Variants in TESK2 observed in about 807,000 individuals in gnomAD.
The protein encoded by TESK2 is dual specificity testis-specific protein kinase 2.
A neutral mutation model predicts 57.1 loss-of-function variants in TESK2; 39 were observed. That is an observed-to-expected ratio of 0.68 (90% CI 0.53 to 0.89). The LOEUF (loss-of-function observed/expected upper bound fraction) is 0.89. Ranked by LOEUF, TESK2 falls within the 40% of genes least tolerant of loss-of-function variation. The pLI is 0.00. For synonymous variants in TESK2, 249 were observed against 267.9 expected (o/e 0.93, Z 0.69); for missense variants, 646 against 732.1 (o/e 0.88, Z 1.36).
At chr1:45,351,989 T>C (rs991702822) in intron 5 of TESK2, among the ~76,000 whole-genome samples, 1 of 152,208 alleles carries the variant, frequency 6.6e-6, no homozygotes, top group East Asian at 1.9e-4. Context: ...AGCCTGATAC[T>C]GTCCTTAAAG....
intron 2 of TESK2, among the ~76,000 whole-genome samples, chr1:45,439,215 T>G (rs1044449997): frequency 1.3e-5 from 2 of 152,196 alleles, no homozygotes; most frequent in African/African-American, 4.8e-5. Flanking sequence ...AATTTACAGT[T>G]TGCATGACAA....
chr1:45,476,646 G>A (rs573829199), intron 1 of TESK2, among the ~76,000 whole-genome samples: 1 of 151,466 alleles, frequency 6.6e-6, no homozygotes, highest in Non-Finnish European at 1.5e-5. Flanking sequence ...AGGAGATCAA[G>A]GCCATCCTGG....
intron 1 of TESK2, among the ~76,000 whole-genome samples, chr1:45,481,005 T>C (rs1240668782): frequency 4.0e-5 from 6 of 148,344 alleles, no homozygotes; most frequent in African/African-American, 1.2e-4. Flanking sequence ...TAATAATATA[T>C]ATAACCAAAA....
chr1:45,453,412 A>G (rs1015923633), intron 2 of TESK2, among the ~76,000 whole-genome samples: 1 of 151,960 alleles, frequency 6.6e-6, no homozygotes, highest in Non-Finnish European at 1.5e-5. Flanking sequence ...TGACTGTGAC[A>G]TGAAGGGTGC....
At chr1:45,361,506 C>G (rs1647684126) in intron 4 of TESK2, among the ~76,000 whole-genome samples, 1 of 152,102 alleles carries the variant, frequency 6.6e-6, no homozygotes, top group Non-Finnish European at 1.5e-5. Context: ...CCAACTTTAC[C>G]TATACCAAAA....
intron 3 of TESK2, among the ~76,000 whole-genome samples, chr1:45,390,872 T>C (rs958643430): frequency 1.3e-4 from 20 of 151,098 alleles, no homozygotes; most frequent in Non-Finnish European, 3.0e-4. Context: ...CTTCCTAAAG[T>C]GCTGAGCTTA....
chr1:45,480,003 A>G (rs1653152103), intron 1 of TESK2, among the ~76,000 whole-genome samples: 1 of 151,086 alleles, frequency 6.6e-6, no homozygotes, highest in Non-Finnish European at 1.5e-5. Flanking sequence ...TTGTATTTTT[A>G]GTAGAGACGT....
At chr1:45,429,620 C>T (rs181513143) in intron 2 of TESK2, among the ~76,000 whole-genome samples, 6 of 152,166 alleles carry the variant, frequency 3.9e-5, no homozygotes, top group Non-Finnish European at 8.8e-5. Context: ...CTGCACTAGG[C>T]TTTAACAGAC....
chr1:45,353,234 G>C (rs1647284257), intron 5 of TESK2, among the ~76,000 whole-genome samples: 1 of 152,178 alleles, frequency 6.6e-6, no homozygotes, highest in African/African-American at 2.4e-5. Context: ...AAAACATTCT[G>C]GGGGAGAAGA....
intron 2 of TESK2, among the ~76,000 whole-genome samples, chr1:45,446,847 A>G (rs1651668066): frequency 6.6e-6 from 1 of 152,232 alleles, no homozygotes; most frequent in Non-Finnish European, 1.5e-5. Flanking sequence ...TTATCAGTAA[A>G]CAACAGCTAG....
rs1177484465 is a variant in TESK2, at chr1:45,415,290, T to C, written c.344+6435A>G. Reference sequence around the variant, plus strand: ...TGGAGGCCATGGGGCACTTTGGGTCTGGGAATGGCAAGACCAGCAAGGAGA... The same window carrying C: ...TGGAGGCCATGGGGCACTTTGGGTCCGGGAATGGCAAGACCAGCAAGGAGA... On this transcript the variant is annotated intron_variant, in intron 3 of 10. Coordinates refer to ENST00000372086, the MANE Select transcript of TESK2 (RefSeq NM_007170.3). 3.1e-6 allele frequency: 4 copies of C among 1,302,370 alleles called. No homozygotes were observed. The African/African-American group carries it at 4.4e-5, about 14-fold the overall frequency. The allele number at this position is 1,302,370 out of a possible 1,614,324, so 80.7% of individuals were successfully genotyped here.
intron 4 of TESK2, among the ~76,000 whole-genome samples, chr1:45,379,072 A>G (rs1648545694): frequency 6.6e-6 from 1 of 152,214 alleles, no homozygotes; most frequent in African/African-American, 2.4e-5. Context: ...AATATTCTGT[A>G]CTGAAACACA....
At chr1:45,482,614 A>T (rs1653274486) in intron 1 of TESK2, among the ~76,000 whole-genome samples, 2 of 151,988 alleles carry the variant, frequency 1.3e-5, no homozygotes, top group African/African-American at 2.4e-5. Context: ...AAAAAAAAAA[A>T]AAAAGTAAAT....
At chr1:45,483,372 G>A (rs909070087) in intron 1 of TESK2, among the ~76,000 whole-genome samples, 4 of 152,058 alleles carry the variant, frequency 2.6e-5, no homozygotes, top group African/African-American at 9.7e-5. Context: ...GAGGCAGGCG[G>A]ATGGCCTGAG....
intron 1 of TESK2, among the ~76,000 whole-genome samples, chr1:45,469,221 T>A (rs1652670788): frequency 6.6e-6 from 1 of 152,204 alleles, no homozygotes; most frequent in Non-Finnish European, 1.5e-5. Context: ...TATTTTTTAA[T>A]CTTTCCAAAG....
intron 2 of TESK2, among the ~76,000 whole-genome samples, chr1:45,448,238 A>G (rs1651719582): frequency 3.0e-5 from 1 of 33,142 alleles, no homozygotes. Flanking sequence ...ACCCTGTCTC[A>G]AAAAAAAAAA....
intron 1 of TESK2, among the ~76,000 whole-genome samples, chr1:45,484,866 C>T (rs1557592025): frequency 1.3e-5 from 2 of 151,812 alleles, no homozygotes; most frequent in Non-Finnish European, 2.9e-5. Context: ...CCTGTCTCTA[C>T]TAAAAATACA....
chr1:45,350,309 G>A lies in TESK2; in HGVS notation c.541-2309C>T, dbSNP rs74833610. Among the ~76,000 whole-genome samples, 768 of 152,296 alleles carry A rather than the reference G, an allele frequency of 5.0e-3. 9 individuals carry two copies. Among genetic ancestry groups the A allele is most frequent in the African/African-American group, 0.017 (719 of 41,552 alleles). ...TGGGCCAGATCAGACACCTGAAAGT[G>A]CCTGAGGTGTCCTGGAACAGCTGCA... On this transcript the variant is annotated intron_variant, in intron 5 of 10. Transcript: ENST00000372086.
intron 2 of TESK2, among the ~76,000 whole-genome samples, chr1:45,445,624 CAAA>C (rs747691865): frequency 0.09 from 9,749 of 107,942 alleles, 373 homozygotes; most frequent in Middle Eastern, 0.1. Context: ...CTGTCTCTAC[CAAA>C]AAAAAAAAAA....
Sources: gnomAD v4.1 joint callset for allele counts (sites outside exome capture counted in the v4.1 genomes callset) on GRCh38, gnomAD v4.1.1 for gene constraint, MANE v1.5 for transcripts, NCBI Gene and HGNC (gene_info 2026-07-23, HGNC 2026-07-21) for gene names.